The following LGR5 variants were observed in gnomAD, a reference collection of about 807,000 sequenced individuals.
LGR5 encodes the protein leucine rich repeat containing G protein-coupled receptor 5.
Under a neutral mutation model 76.7 loss-of-function variants are expected in LGR5, and 54 were observed. That is an observed-to-expected ratio of 0.70 (90% confidence interval 0.57 to 0.88). LGR5 has a LOEUF of 0.88. Ranked by LOEUF, LGR5 falls within the 40% of genes least tolerant of loss-of-function variation. LGR5 has a pLI of 0.00. For synonymous variants in LGR5, 406 were observed against 421.9 expected (o/e 0.96, Z 0.46); for missense variants, 1,078 against 1,073.3 (o/e 1.00, Z -0.06).
chr12:71,451,183 T>C (rs959224964), intron 1 of LGR5, among the ~76,000 whole-genome samples: 2 of 152,130 alleles, frequency 1.3e-5, no homozygotes, highest in African/African-American at 4.8e-5. Flanking sequence ...GGAAGTGGGG[T>C]GCAGATCAGA....
rs574004408 is a variant in LGR5 at position 71,547,940 on chromosome 12, A to T, written c.429-5133A>T. On this transcript the variant is annotated intron_variant, in intron 4 of 17. Coordinates refer to ENST00000266674, the MANE Select transcript of LGR5 (RefSeq NM_003667.4). Reference sequence around the variant, plus strand: ...TAGGGAAAATTTTTGTTTTACCTATAAATTATATATACTATATACTATAAA... The same window carrying T: ...TAGGGAAAATTTTTGTTTTACCTATTAATTATATATACTATATACTATAAA... 7.2e-5 allele frequency among the ~76,000 whole-genome samples: 11 copies of T among 152,152 alleles called. No individual in the cohort carries two copies. The South Asian group carries it at 2.3e-3, about 32-fold the overall frequency.
chr12:71,493,918 G>A (rs1308473970), intron 1 of LGR5, among the ~76,000 whole-genome samples: 1 of 149,528 alleles, frequency 6.7e-6, no homozygotes, highest in Non-Finnish European at 1.5e-5. Context: ...ACAGGCATGG[G>A]CCACCATGCC....
intron 1 of LGR5, among the ~76,000 whole-genome samples, chr12:71,466,368 G>T (rs1334141131): frequency 1.3e-5 from 2 of 152,038 alleles, no homozygotes; most frequent in Non-Finnish European, 2.9e-5. Context: ...AAACATTTAA[G>T]GTGCTCTTAC....
intron 1 of LGR5, among the ~76,000 whole-genome samples, chr12:71,463,673 C>T (rs376462106): frequency 3.9e-4 from 60 of 152,098 alleles, no homozygotes; most frequent in South Asian, 1.0e-3. Flanking sequence ...GACCAATTTA[C>T]GATAGTACTA....
intron 6 of LGR5, among the ~76,000 whole-genome samples, chr12:71,556,949 G>A (rs1877800045): frequency 6.6e-6 from 1 of 152,168 alleles, no homozygotes; most frequent in African/African-American, 2.4e-5. Context: ...ACTAAGCAGT[G>A]ACTATTTGCT....
intron 4 of LGR5, among the ~76,000 whole-genome samples, chr12:71,539,158 A>G (rs1876748737): frequency 6.6e-6 from 1 of 152,172 alleles, no homozygotes; most frequent in Non-Finnish European, 1.5e-5. Context: ...CATTTTAACA[A>G]AATCCTAGGT....
At chr12:71,498,056 GAGC>G (rs1010759632) in intron 1 of LGR5, among the ~76,000 whole-genome samples, 14 of 152,216 alleles carry the variant, frequency 9.2e-5, no homozygotes, top group Admixed American at 7.9e-4. Context: ...AAGAAGGGGG[GAGC>G]AGAAGGAAAA....
intron 3 of LGR5, among the ~76,000 whole-genome samples, chr12:71,526,837 C>T (rs551728917): frequency 1.3e-5 from 2 of 152,106 alleles, no homozygotes; most frequent in South Asian, 4.2e-4. Context: ...TCTTGAAGCA[C>T]AACTAGGAAT....
At chr12:71,483,961 T>A (rs553654532) in intron 1 of LGR5, among the ~76,000 whole-genome samples, 1 of 151,988 alleles carries the variant, frequency 6.6e-6, no homozygotes, top group African/African-American at 2.4e-5. Flanking sequence ...GATGTATTAA[T>A]CAAAATGAGA....
chr12:71,543,707 A>T (rs1210707084), intron 4 of LGR5, among the ~76,000 whole-genome samples: 2 of 152,246 alleles, frequency 1.3e-5, no homozygotes, highest in Non-Finnish European at 2.9e-5. Flanking sequence ...TTGAAGAGAT[A>T]AGAGATCAAA....
At position 71,573,736 on chromosome 12, in the gene LGR5, A is replaced by G. The variant is rs568373550; in HGVS notation, c.1208+815A>G. 3.3e-5 allele frequency among the ~76,000 whole-genome samples: 5 copies of G among 152,202 alleles called. No homozygotes were observed. The East Asian group carries it at 9.7e-4, about 29-fold the overall frequency. On this transcript the variant is annotated intron_variant, in intron 13 of 17. Transcript: ENST00000266674. ...GAGACTATACCTTTGGTAAAATAAT[A>G]CTATTCCTCAAAAGACTTTAAATTT...
At chr12:71,444,002 A>T (rs1263285595) in intron 1 of LGR5, among the ~76,000 whole-genome samples, 4 of 152,052 alleles carry the variant, frequency 2.6e-5, no homozygotes, top group African/African-American at 7.2e-5. Context: ...TCCTAAAACT[A>T]ATGTTAATAA....
intron 11 of LGR5, among the ~76,000 whole-genome samples, chr12:71,569,837 T>C (rs1878519270): frequency 1.3e-5 from 2 of 152,190 alleles, no homozygotes; most frequent in Non-Finnish European, 2.9e-5. Flanking sequence ...GAAATCATTG[T>C]ATTATAAAGA....
At position 71,553,110 on chromosome 12, in the gene LGR5, A is replaced by G. The variant is rs748485349; in HGVS notation, c.466A>G (p.Ser156Gly). ...DANHISYVPP[S>G]CFSGLHSLRH... ...TAACCACATCAGCTATGTGCCCCCA[A>G]GCTGTTTCAGTGGCCTGCATTCCCT... Residue 156 changes from serine (S) to glycine (G), a missense_variant, in exon 5 of 18, where the codon AGC (serine) becomes GGC (glycine). Ser to Gly is a moderately conservative substitution (Grantham distance 56). Coordinates refer to ENST00000266674, the MANE Select transcript of LGR5 (RefSeq NM_003667.4). The G allele has an allele frequency of 1.2e-6, 2 of 1,613,808 alleles. No individual in the cohort carries two copies. The highest frequency in any genetic ancestry group is 1.7e-5 in the Admixed American group (1 of 59,954).
At chr12:71,546,687 G>A (rs375916702) in intron 4 of LGR5, among the ~76,000 whole-genome samples, 102 of 152,034 alleles carry the variant, frequency 6.7e-4, no homozygotes, top group African/African-American at 2.4e-3. Flanking sequence ...TTCCCACTAG[G>A]CCCTCCTACA....
At chr12:71,480,158 G>A (rs1873525785) in intron 1 of LGR5, among the ~76,000 whole-genome samples, 1 of 152,016 alleles carries the variant, frequency 6.6e-6, no homozygotes, top group Non-Finnish European at 1.5e-5. Context: ...GAGGTCAGGA[G>A]TTCGAGAACA....
chr12:71,562,319 T>G (rs1428465632), intron 8 of LGR5, among the ~76,000 whole-genome samples: 1 of 152,254 alleles, frequency 6.6e-6, no homozygotes, highest in Admixed American at 6.5e-5. Flanking sequence ...CCATTCATTA[T>G]TATGCCCAAA....
At position 71,585,405 on chromosome 12, in the gene LGR5, AT is replaced by A. The variant is rs1368048765; in HGVS notation, c.*675del. 2 of 152,232 alleles carry A rather than the reference AT, an allele frequency of 1.3e-5. No individual in the cohort carries two copies. Among genetic ancestry groups the A allele is most frequent in the Non-Finnish European group, 2.9e-5 (2 of 68,034 alleles). 9.4% of individuals were successfully genotyped at this position (152,232 alleles called of 1,614,324 possible). A position where few individuals can be genotyped will look rare whatever the true frequency, so the allele number is the denominator to read the frequency against. On this transcript the variant is annotated 3_prime_UTR_variant, in exon 18 of 18. Coordinates refer to ENST00000266674, the MANE Select transcript of LGR5 (RefSeq NM_003667.4). ...TCATGGGATAAAACTGCTTACAAGT[AT>A]TTTGAAAGAAAAACTGACCAAAATT...
At position 71,466,672 on chromosome 12, in the gene LGR5, G is replaced by GT. The variant is rs369854715; in HGVS notation, c.212+26391dup. The stretch of plus-strand genomic sequence containing the variant: ...GATAATAATTTCCTCTGTCTTCCAT[G>GT]TTTTTTTTTTTATGAGTAGTAGGTA... On this transcript the variant is annotated intron_variant, in intron 1 of 17. Transcript: ENST00000266674. 7.4e-4 allele frequency among the ~76,000 whole-genome samples: 107 copies of GT among 144,462 alleles called. 1 individual carries two copies. The East Asian group carries it at 7.8e-3, about 11-fold the overall frequency. The allele number at this position is 144,462 out of a possible 152,430, so 94.8% of individuals were successfully genotyped here.
Sources: allele counts gnomAD v4.1 joint callset (sites outside exome capture counted in the v4.1 genomes callset), GRCh38; gene constraint gnomAD v4.1.1; transcripts MANE v1.5; gene names NCBI Gene and HGNC (gene_info 2026-07-23, HGNC 2026-07-21).